Variants in KANSL1L observed in about 807,000 individuals in gnomAD.
The protein encoded by KANSL1L is KAT8 regulatory NSL complex subunit 1 like.
In KANSL1L, 25 loss-of-function variants were observed where a neutral mutation model predicts 108.6. The ratio of observed to expected loss-of-function variants is 0.23; its 90% confidence interval spans 0.17 to 0.32. The LOEUF (loss-of-function observed/expected upper bound fraction) is 0.32. KANSL1L is among the 10% of genes least tolerant of loss of function. The pLI, the probability that KANSL1L is intolerant of heterozygous loss-of-function variation, is 1.00. For synonymous variants in KANSL1L, 405 were observed against 395.1 expected (o/e 1.03, Z -0.30); for missense variants, 1,137 against 1,125.7 (o/e 1.01, Z -0.14).
rs1477221082 is a variant in KANSL1L, at chr2:210,040,480, T to C, written c.1969A>G (p.Ile657Val). The C allele has an allele frequency of 6.4e-7, 1 of 1,568,964 alleles. No homozygotes were observed. The highest frequency in any genetic ancestry group is 2.2e-5 in the East Asian group (1 of 44,454). The stretch of plus-strand genomic sequence containing the variant: ...TTATTTTCAGCAAGATTGCCTTTTA[T>C]TTCAGTCTTTTTTAACAGTGTTTCA... ...HFETLLKKTE[I>V]KGNLAENKFV... Residue 657 changes from isoleucine (I) to valine (V), a missense_variant, in exon 8 of 15, where the codon ATA becomes GTA. Around this residue, in one of 3 missense-constraint regions of KANSL1L, gnomAD observed 575 missense variants for 567.1 expected, o/e 1.01. Coordinates refer to ENST00000281772, the MANE Select transcript of KANSL1L (RefSeq NM_152519.4).
chr2:210,121,849 T>C (rs921094542), intron 3 of KANSL1L, among the ~76,000 whole-genome samples: 3 of 152,042 alleles, frequency 2.0e-5, no homozygotes, highest in Admixed American at 6.5e-5. Flanking sequence ...AGTTGCAGGA[T>C]ACAAAATCAG....
Position 210,098,147 on chromosome 2 carries a change from A to G in KANSL1L, c.1489T>C (p.Ser497Pro). Residue 497 changes from serine (S) to proline (P), a missense_variant, in exon 5 of 15, where the codon TCA becomes CCA. Ser to Pro is a moderately conservative substitution (Grantham distance 74). Transcript: ENST00000281772. ...LIAPLNLSPT[S>P]SPLSSKSCSH... ...CAGGATTTGGAAGAGAGGGGTGATG[A>G]AGTTGGGGACAAGTTGAGAGGGGCA... The G allele has an allele frequency of 1.2e-6, 2 of 1,612,384 alleles. No individual in the cohort carries two copies. Among genetic ancestry groups the G allele is most frequent in the Non-Finnish European group, 1.7e-6 (2 of 1,179,102 alleles).
intron 4 of KANSL1L, among the ~76,000 whole-genome samples, chr2:210,103,334 G>C (rs770338055): frequency 2.0e-5 from 3 of 152,190 alleles, no homozygotes; most frequent in Middle Eastern, 3.4e-3. Context: ...GTGGGGGAAG[G>C]GGGGAGGGAT....
Position 210,048,658 on chromosome 2 carries a change from C to G in KANSL1L, c.1756-4554G>C, listed in dbSNP as rs577519133. Among the ~76,000 whole-genome samples the G allele has an allele frequency of 2.3e-4, 35 of 151,840 alleles. 1 individual carries two copies. In the South Asian group the frequency reaches 7.3e-3, roughly 32 times the overall value. On this transcript the variant is annotated intron_variant, in intron 6 of 14. Transcript: ENST00000281772. ...ATATGCATGCATATATTAATACATA[C>G]GTGTATGGTTTTGTTTTTGTTTGTT...
chr2:210,116,336 C>T (rs576398204), intron 3 of KANSL1L, among the ~76,000 whole-genome samples: 1 of 152,262 alleles, frequency 6.6e-6, no homozygotes, highest in East Asian at 1.9e-4. Context: ...AACTTGCCAC[C>T]CTTAAGGGAA....
chr2:210,093,129 T>C (rs1343853651), intron 5 of KANSL1L, among the ~76,000 whole-genome samples: 1 of 152,094 alleles, frequency 6.6e-6, no homozygotes, highest in African/African-American at 2.4e-5. Flanking sequence ...CTTTGACCTA[T>C]GTTCATTTTT....
intron 2 of KANSL1L, among the ~76,000 whole-genome samples, chr2:210,134,383 C>T (rs114328360): frequency 1.4e-4 from 21 of 152,106 alleles, no homozygotes; most frequent in African/African-American, 2.6e-4. Flanking sequence ...AATTTTTCTC[C>T]GCTTCTTTGC....
chr2:210,075,583 C>G lies in KANSL1L; in HGVS notation c.1724G>C (p.Arg575Thr). 6.2e-7 allele frequency: 1 copy of G among 1,614,062 alleles called. No individual in the cohort carries two copies. Among genetic ancestry groups the G allele is most frequent in the Non-Finnish European group, 8.5e-7 (1 of 1,179,944 alleles). Residue 575 changes from arginine to threonine, a missense_variant, in exon 6 of 15, where the codon AGA becomes ACA. By Grantham distance (71) the Arg-to-Thr change is moderately conservative. Transcript: ENST00000281772. ...LQSFHKRKLYRLSPTFYWTPQ... is the reference protein window; with the variant it reads ...LQSFHKRKLYTLSPTFYWTPQ... ...AGTCCAATAAAAAGTAGGGCTCAAT[C>G]TGTACAGTTTTCGTTTGTGGAAACT... is the stretch of plus-strand genomic sequence containing the variant.
chr2:210,123,437 C>G (rs1187676641), intron 3 of KANSL1L, among the ~76,000 whole-genome samples: 1 of 151,916 alleles, frequency 6.6e-6, no homozygotes, highest in African/African-American at 2.4e-5. Context: ...CACAGAAAGA[C>G]AAATTGTGCA....
intron 6 of KANSL1L, among the ~76,000 whole-genome samples, chr2:210,061,950 C>T (rs1413797166): frequency 6.6e-6 from 1 of 152,168 alleles, no homozygotes; most frequent in African/African-American, 2.4e-5. Flanking sequence ...TATTTATATT[C>T]ATTTAAATAG....
chr2:210,170,830 G>A (rs982319229), intron 1 of KANSL1L, among the ~76,000 whole-genome samples: 6 of 152,126 alleles, frequency 3.9e-5, no homozygotes, highest in Admixed American at 1.3e-4. Flanking sequence ...CAAAAGGGAG[G>A]TCTGCCAAGC....
At chr2:210,141,225 CTTTTA>C (rs2095227161) in intron 2 of KANSL1L, among the ~76,000 whole-genome samples, 1 of 141,716 alleles carries the variant, frequency 7.1e-6, no homozygotes, top group African/African-American at 2.6e-5. Flanking sequence ...TCCTTTTTCT[CTTTTA>C]TTTATTTATT....
At position 210,154,163 on chromosome 2, in the gene KANSL1L, A is replaced by G. The variant is rs886285442; in HGVS notation, c.420T>C (p.Asp140=). 1.7e-5 allele frequency: 27 copies of G among 1,613,922 alleles called. No individual in the cohort carries two copies. The highest frequency in any genetic ancestry group is 2.2e-5 in the Non-Finnish European group (26 of 1,179,936). ...CATCTTTCATGCACTGGCTCGTGGT[A>G]TCTGATAGAGGCTCCTTTTTGATGA... ...EEFIKKEPLS[D]TTSQCMKDVQ... The change falls in exon 2 of 15, where the codon GAT becomes GAC. Residue 140 remains aspartate, a synonymous_variant. Transcript: ENST00000281772.
At chr2:210,080,257 C>A in intron 5 of KANSL1L, 1 of 152,348 alleles carries the variant, frequency 6.6e-6, no homozygotes, top group Non-Finnish European at 1.5e-5. Context: ...TAGGTCTGGC[C>A]TCTTCCATAG....
At chr2:210,056,339 T>C (rs1559519949) in intron 6 of KANSL1L, among the ~76,000 whole-genome samples, 2 of 152,228 alleles carry the variant, frequency 1.3e-5, no homozygotes, top group Non-Finnish European at 2.9e-5. Context: ...GGAACCAAAT[T>C]AATCTTTCAA....
chr2:210,100,167 G>C (rs13009071), intron 4 of KANSL1L, among the ~76,000 whole-genome samples: 1 of 152,044 alleles, frequency 6.6e-6, no homozygotes, highest in East Asian at 1.9e-4. Flanking sequence ...TCATAGCAGC[G>C]CGAACCATAC....
At chr2:210,171,880 G>A (rs1688362469), upstream of KANSL1L, 1 of 151,934 alleles carries the variant, frequency 6.6e-6, no homozygotes, top group Non-Finnish European at 1.5e-5. Flanking sequence ...GTCTCCGTGC[G>A]TTTGCTTTTA....
intron 6 of KANSL1L, among the ~76,000 whole-genome samples, chr2:210,058,881 G>A (rs931438938): frequency 2.7e-5 from 4 of 145,486 alleles, no homozygotes; most frequent in Admixed American, 7.1e-5. Flanking sequence ...GGCTCAGGGG[G>A]CATCACGGAA....
At chr2:210,103,478 A>T (rs898458971) in intron 4 of KANSL1L, among the ~76,000 whole-genome samples, 5 of 152,182 alleles carry the variant, frequency 3.3e-5, no homozygotes, top group Admixed American at 1.3e-4. Flanking sequence ...ATAATAATAA[A>T]AAAAAGTCCT....
Sources: allele counts gnomAD v4.1 joint callset (sites outside exome capture counted in the v4.1 genomes callset), GRCh38; gene constraint gnomAD v4.1.1; regional missense constraint gnomAD v4.1.1; transcripts MANE v1.5; gene names NCBI Gene and HGNC (gene_info 2026-07-23, HGNC 2026-07-21).